KAT2B: variants seen among roughly 807,000 people sequenced by gnomAD.
KAT2B encodes lysine acetyltransferase 2B.
Under a neutral mutation model 105.9 loss-of-function variants are expected in KAT2B, and 36 were observed. That is an observed-to-expected ratio of 0.34 (90% CI 0.26 to 0.45). KAT2B has a LOEUF of 0.45. Ranked by LOEUF, KAT2B falls within the 20% of genes least tolerant of loss-of-function variation. The pLI is 1.00. For synonymous variants in KAT2B, 397 were observed against 377.9 expected (o/e 1.05, Z -0.59); for missense variants, 820 against 1,021.6 (o/e 0.80, Z 2.69).
chr3:20,058,914 G>T (rs567330023), intron 1 of KAT2B, among the ~76,000 whole-genome samples: 3 of 152,164 alleles, frequency 2.0e-5, no homozygotes, highest in South Asian at 4.1e-4. Flanking sequence ...TTTTAGAAAT[G>T]TAGAATCTCA....
intron 3 of KAT2B, among the ~76,000 whole-genome samples, chr3:20,096,882 G>C (rs1316932630): frequency 6.6e-6 from 1 of 151,894 alleles, no homozygotes; most frequent in African/African-American, 2.4e-5. Context: ...GTGGGAGGTA[G>C]AATTATATTT....
At chr3:20,129,440 T>A (rs1475864445) in intron 11 of KAT2B, among the ~76,000 whole-genome samples, 1 of 151,108 alleles carries the variant, frequency 6.6e-6, no homozygotes, top group African/African-American at 2.4e-5. Context: ...AGTGGTGTGA[T>A]CTTGGCTCAC....
rs771105112 is a variant in KAT2B, at chr3:20,101,406, A to G, written c.789A>G (p.Pro263=). 1 of 1,614,154 alleles carries G rather than the reference A, an allele frequency of 6.2e-7. No homozygotes were observed. The highest frequency in any genetic ancestry group is 8.5e-7 in the Non-Finnish European group (1 of 1,179,986). ...NRINYWHLEA[P]SQRRLRSPND... is the part of the protein sequence containing the mutation. ...TCAACTATTGGCATCTGGAGGCACC[A>G]TCTCAACGAAGACTGCGATCTCCCA... is the stretch of plus-strand genomic sequence containing the variant. Residue 263 remains proline (P), a synonymous_variant, in exon 5 of 18, where the codon CCA becomes CCG. Transcript: ENST00000263754.
Position 20,148,316 on chromosome 3 carries a change from C to T in KAT2B, c.2220+10C>T. ...CCTCCAGCAGGTGAAGGTGGGTGTC[C>T]TCTTTATTCACCTCATGCAAATATT... On this transcript the variant is annotated intron_variant, in intron 16 of 17. Coordinates refer to ENST00000263754, the MANE Select transcript of KAT2B (RefSeq NM_003884.5). 6.2e-7 allele frequency: 1 copy of T among 1,612,922 alleles called. No individual in the cohort carries two copies. The highest frequency in any genetic ancestry group is 1.7e-5 in the Admixed American group (1 of 59,988).
Position 20,040,556 on chromosome 3 carries a change from C to T in KAT2B, c.79C>T (p.Pro27Ser), listed in dbSNP as rs1697693825. 1.9e-6 allele frequency: 2 copies of T among 1,061,972 alleles called. No individual in the cohort carries two copies. The highest frequency in any genetic ancestry group is 2.3e-6 in the Non-Finnish European group (2 of 881,136). The allele number at this position is 1,061,972 out of a possible 1,614,324, so 65.8% of individuals were successfully genotyped here. Residue 27 changes from proline (P) to serine (S), a missense_variant, in exon 1 of 18, where the codon CCG becomes TCG. Coordinates refer to ENST00000263754, the MANE Select transcript of KAT2B (RefSeq NM_003884.5). ...AGGGGCCGGGCCCGGGGCGCTGCCC[C>T]CGCAGCCTGCGGCGCTTCCGCCCGC... ...GAGAGPGALP[P>S]QPAALPPAPP...
At position 20,135,859 on chromosome 3, in the gene KAT2B, G is replaced by C. The variant is rs144087112; in HGVS notation, c.1750-1083G>C. ...TTTGTAACTCTAGGAGTAGAACTAA[G>C]GTCAATAAGTAGAAATAACAATGAC... On this transcript the variant is annotated intron_variant, in intron 11 of 17. Coordinates refer to ENST00000263754, the MANE Select transcript of KAT2B (RefSeq NM_003884.5). Among the ~76,000 whole-genome samples the C allele has an allele frequency of 4.9e-3, 753 of 152,198 alleles. 3 individuals carry two copies. Among genetic ancestry groups the C allele is most frequent in the Non-Finnish European group, 7.5e-3 (511 of 68,000 alleles).
At chr3:20,078,427 C>G (rs1430237538) in intron 2 of KAT2B, among the ~76,000 whole-genome samples, 5 of 152,070 alleles carry the variant, frequency 3.3e-5, no homozygotes, top group Non-Finnish European at 2.9e-5. Context: ...GGCTGATGTG[C>G]AGTGGTGCGA....
At chr3:20,139,580 A>G (rs1699663407) in intron 12 of KAT2B, among the ~76,000 whole-genome samples, 2 of 152,038 alleles carry the variant, frequency 1.3e-5, no homozygotes, top group Admixed American at 1.3e-4. Flanking sequence ...TAACTGAAAT[A>G]GATACTTAAG....
intron 2 of KAT2B, among the ~76,000 whole-genome samples, chr3:20,079,421 C>G (rs1331130580): frequency 1.3e-5 from 2 of 152,046 alleles, no homozygotes; most frequent in East Asian, 1.9e-4. Flanking sequence ...CCAAGCTGGT[C>G]TCAAACTCCT....
At chr3:20,144,900 A>G (rs950973362) in intron 13 of KAT2B, among the ~76,000 whole-genome samples, 6 of 151,956 alleles carry the variant, frequency 3.9e-5, no homozygotes, top group Middle Eastern at 6.8e-3. Context: ...GGTTCAAGCA[A>G]TTCTCCTGTC....
chr3:20,119,516 G>A lies in KAT2B; in HGVS notation c.1151-82G>A. 11 of 1,457,406 alleles carry A rather than the reference G, an allele frequency of 7.5e-6. 1 individual carries two copies. In the South Asian group the frequency reaches 1.2e-4, roughly 16 times the overall value. 90.3% of individuals were successfully genotyped at this position (1,457,406 alleles called of 1,614,324 possible). ...TTTTGTGGCATTGGGCAGGAGTGGG[G>A]TGGTCCCATGTGCACTTCGTTTCTT... is the stretch of plus-strand genomic sequence containing the variant. On this transcript the variant is annotated intron_variant, in intron 7 of 17. Transcript: ENST00000263754.
At chr3:20,126,278 GA>G (rs1407421601) in intron 10 of KAT2B, among the ~76,000 whole-genome samples, 165 bp downstream of exon 10, 1 of 152,166 alleles carries the variant, frequency 6.6e-6, no homozygotes, top group African/African-American at 2.4e-5. Flanking sequence ...AAAGTGCTAA[GA>G]GTAATTTTCA....
chr3:20,064,338 T>C (rs528076163), intron 1 of KAT2B, among the ~76,000 whole-genome samples: 2 of 152,338 alleles, frequency 1.3e-5, no homozygotes, highest in South Asian at 4.1e-4. Context: ...ACTTGTCATT[T>C]CTTTGTGATG....
chr3:20,068,914 G>A (rs1240789495), intron 1 of KAT2B, among the ~76,000 whole-genome samples: 1 of 152,172 alleles, frequency 6.6e-6, no homozygotes, highest in African/African-American at 2.4e-5. Context: ...ATTCAGAAAA[G>A]CTGGAGGCTT....
intron 14 of KAT2B, 82 bp from the exon 15 acceptor site, chr3:20,147,881 C>A (rs1699805077): frequency 7.6e-7 from 1 of 1,319,648 alleles, no homozygotes; most frequent in Non-Finnish European, 1.1e-6. Flanking sequence ...CCTATAATTT[C>A]TTGTTTTTGA....
intron 1 of KAT2B, among the ~76,000 whole-genome samples, chr3:20,060,632 A>G (rs555246480): frequency 6.6e-6 from 1 of 151,728 alleles, no homozygotes; most frequent in Admixed American, 6.6e-5. Context: ...CAAACAACAA[A>G]CTGTGGTAAT....
intron 12 of KAT2B, among the ~76,000 whole-genome samples, chr3:20,139,074 T>A (rs1699653713): frequency 6.7e-6 from 1 of 148,486 alleles, no homozygotes; most frequent in East Asian, 2.0e-4. Flanking sequence ...TTTTTTTTAA[T>A]CATTTGTAGA....
intron 5 of KAT2B, among the ~76,000 whole-genome samples, chr3:20,104,467 A>G (rs1264145322): frequency 1.3e-5 from 2 of 152,196 alleles, no homozygotes; most frequent in Non-Finnish European, 2.9e-5. Flanking sequence ...CCTCACTGCC[A>G]TGACCACATG....
intron 1 of KAT2B, among the ~76,000 whole-genome samples, chr3:20,067,200 C>T (rs1382369715): frequency 6.6e-6 from 1 of 152,146 alleles, no homozygotes; most frequent in Non-Finnish European, 1.5e-5. Context: ...TAAAATCAGC[C>T]AGTTTTGAAA....
Sources: allele counts gnomAD v4.1 joint callset (sites outside exome capture counted in the v4.1 genomes callset), GRCh38; gene constraint gnomAD v4.1.1; transcripts MANE v1.5; gene names NCBI Gene and HGNC (gene_info 2026-07-23, HGNC 2026-07-21).